Variants in SH2D4A observed in about 807,000 individuals in gnomAD.
The protein encoded by SH2D4A is SH2 domain-containing protein 4A.
A neutral mutation model predicts 64.7 loss-of-function variants in SH2D4A; 70 were observed. The ratio of observed to expected loss-of-function variants is 1.08; its 90% CI spans 0.89 to 1.32. The LOEUF (loss-of-function observed/expected upper bound fraction) is 1.32, where lower values mean the gene tolerates loss of function less well. Among genes scored for constraint, SH2D4A ranks in the 40% most tolerant of loss-of-function variants. The pLI is 0.00. For synonymous variants in SH2D4A, 268 were observed against 200.7 expected (o/e 1.34, Z -2.83); for missense variants, 706 against 540.1 (o/e 1.31, Z -3.04).
At chr8:19,315,167 C>T (rs1231400731) in intron 1 of SH2D4A, among the ~76,000 whole-genome samples, 2 of 152,042 alleles carry the variant, frequency 1.3e-5, no homozygotes, top group Non-Finnish European at 2.9e-5. Flanking sequence ...ACAGGGTCTC[C>T]TTCTGTCACC....
chr8:19,348,584 T>C (rs566440539), intron 4 of SH2D4A, among the ~76,000 whole-genome samples: 58 of 152,296 alleles, frequency 3.8e-4, no homozygotes, highest in African/African-American at 1.3e-3. Flanking sequence ...CTTCAGTGGT[T>C]TGCCTTTTAA....
chr8:19,333,236 A>C, intron 3 of SH2D4A, 122 bp downstream of exon 3: 1 of 1,113,570 alleles, frequency 9.0e-7, no homozygotes, highest in South Asian at 1.9e-5. Context: ...GGGTCACAAA[A>C]GTCACTTTGG....
intron 4 of SH2D4A, 88 bp from the exon 5 acceptor site, chr8:19,357,115 T>A: frequency 9.2e-7 from 1 of 1,092,328 alleles, no homozygotes; most frequent in Non-Finnish European, 1.4e-6. Context: ...GGGGCAGCAT[T>A]AGGGAAACCA....
At chr8:19,324,568 C>G (rs2052245239) in intron 2 of SH2D4A, among the ~76,000 whole-genome samples, 1 of 152,300 alleles carries the variant, frequency 6.6e-6, no homozygotes, top group African/African-American at 2.4e-5. Flanking sequence ...GCCTCTGACT[C>G]TAGATGCCTC....
chr8:19,315,512 C>T (rs1221866116), intron 1 of SH2D4A, among the ~76,000 whole-genome samples: 3 of 152,180 alleles, frequency 2.0e-5, no homozygotes, highest in Non-Finnish European at 4.4e-5. Flanking sequence ...ATTCAAAAGA[C>T]AGTTGTATTG....
At chr8:19,320,716 T>C (rs375725367) in intron 2 of SH2D4A, among the ~76,000 whole-genome samples, 1 of 148,498 alleles carries the variant, frequency 6.7e-6, no homozygotes, top group East Asian at 2.1e-4. Context: ...CCGTTCTCAC[T>C]AACCCCCACA....
Position 19,373,648 on chromosome 8 carries a change from C to T in SH2D4A, c.1036C>T (p.Pro346Ser). The T allele has an allele frequency of 6.2e-7, 1 of 1,613,164 alleles. No homozygotes were observed. Among genetic ancestry groups the T allele is most frequent in the Non-Finnish European group, 8.5e-7 (1 of 1,179,506 alleles). Residue 346 changes from proline (P) to serine (S), a missense_variant, in exon 8 of 10, where the codon CCC (proline) becomes TCC (serine). Coordinates refer to ENST00000265807, the MANE Select transcript of SH2D4A (RefSeq NM_022071.4). ...GYQKTSDTIAPWFHGILTLKK... is the reference protein window; with the variant it reads ...GYQKTSDTIASWFHGILTLKK... ...CCAGAAAACCTCAGACACCATAGCC[C>T]CCTGGTTCCATGGTGAGTGCAGAGA...
intron 4 of SH2D4A, among the ~76,000 whole-genome samples, chr8:19,352,850 T>TA (rs1463153836): frequency 3.9e-5 from 6 of 151,966 alleles, no homozygotes; most frequent in Non-Finnish European, 7.4e-5. Flanking sequence ...CTACTAAAAT[T>TA]AAAAAAAATT....
At chr8:19,374,289 T>C (rs1378904188) in intron 8 of SH2D4A, among the ~76,000 whole-genome samples, 1 of 152,154 alleles carries the variant, frequency 6.6e-6, no homozygotes, top group Non-Finnish European at 1.5e-5. Context: ...AAGCCCCTCT[T>C]CCACCCAGCA....
At chr8:19,328,923 C>G (rs997100531) in intron 2 of SH2D4A, among the ~76,000 whole-genome samples, 1 of 152,190 alleles carries the variant, frequency 6.6e-6, no homozygotes, top group African/African-American at 2.4e-5. Flanking sequence ...AGCTTTCTGG[C>G]TCAGCTGCAG....
intron 3 of SH2D4A, 139 bp downstream of exon 3, chr8:19,333,253 T>G: frequency 1.1e-6 from 1 of 920,808 alleles, no homozygotes; most frequent in Non-Finnish European, 1.5e-6. Flanking sequence ...TTGGATCTCT[T>G]TGGAAGGTTG....
chr8:19,382,823 C>CTTTTTTTTTTT (rs1159245319), intron 8 of SH2D4A, among the ~76,000 whole-genome samples: 28 of 64,630 alleles, frequency 4.3e-4, no homozygotes, highest in South Asian at 1.3e-3. Flanking sequence ...TTTTAAGATT[C>CTTTTTTTTTTT]TTTTTTTTTT....
At chr8:19,371,230 T>A (rs1338854417) in intron 7 of SH2D4A, among the ~76,000 whole-genome samples, 3 of 152,188 alleles carry the variant, frequency 2.0e-5, no homozygotes, top group Non-Finnish European at 4.4e-5. Context: ...GAAGAACTAT[T>A]TTTTAGCATT....
intron 2 of SH2D4A, among the ~76,000 whole-genome samples, chr8:19,330,239 C>A (rs1008086818): frequency 6.6e-6 from 1 of 152,168 alleles, no homozygotes; most frequent in Non-Finnish European, 1.5e-5. Flanking sequence ...TATACTAGAA[C>A]AACTTCCCCC....
At chr8:19,366,640 C>T (rs1222814864) in intron 7 of SH2D4A, among the ~76,000 whole-genome samples, 1 of 152,070 alleles carries the variant, frequency 6.6e-6, no homozygotes, top group African/African-American at 2.4e-5. Context: ...ACTAAAAATA[C>T]AAAAATAAGC....
At chr8:19,371,504 G>C (rs2053095218) in intron 7 of SH2D4A, among the ~76,000 whole-genome samples, 1 of 151,948 alleles carries the variant, frequency 6.6e-6, no homozygotes, top group Non-Finnish European at 1.5e-5. Context: ...TCCTCTATTT[G>C]TCTCTGCACT....
intron 7 of SH2D4A, among the ~76,000 whole-genome samples, chr8:19,371,015 C>G (rs1563205820): frequency 6.6e-6 from 1 of 152,110 alleles, no homozygotes; most frequent in Non-Finnish European, 1.5e-5. Flanking sequence ...CCTCCATTCT[C>G]TCCTTGCATT....
Position 19,393,529 on chromosome 8 carries a change from G to A in SH2D4A, c.1260G>A (p.Val420=). The A allele has an allele frequency of 1.2e-6, 2 of 1,614,132 alleles. No individual in the cohort carries two copies. Among genetic ancestry groups the A allele is most frequent in the Non-Finnish European group, 1.7e-6 (2 of 1,180,030 alleles). ...QLQHATLADL[V]EYHKEEPITS... ...AGCATGCCACCTTGGCGGATTTGGTGGAATATCACAAGGTGAAGCAATGCA... is the reference window on the plus strand; with the variant it reads ...AGCATGCCACCTTGGCGGATTTGGTAGAATATCACAAGGTGAAGCAATGCA... The change falls in exon 9 of 10, where the codon GTG becomes GTA. Residue 420 remains valine, a synonymous_variant. Transcript: ENST00000265807.
At chr8:19,390,843 G>C (rs1217811608) in intron 8 of SH2D4A, among the ~76,000 whole-genome samples, 2 of 152,168 alleles carry the variant, frequency 1.3e-5, no homozygotes, top group Non-Finnish European at 2.9e-5. Context: ...TTCAGTTACA[G>C]TCACTACGAC....
Sources: gnomAD v4.1 joint callset for allele counts (sites outside exome capture counted in the v4.1 genomes callset) on GRCh38, gnomAD v4.1.1 for gene constraint, MANE v1.5 for transcripts, NCBI Gene and HGNC (gene_info 2026-07-23, HGNC 2026-07-21) for gene names.